MYO3B: variants seen among roughly 807,000 people sequenced by gnomAD.
MYO3B encodes the protein myosin IIIB, also known as myosin-IIIb.
A neutral mutation model predicts 174.6 loss-of-function variants in MYO3B; 156 were observed. That is an observed-to-expected ratio of 0.89 (90% CI 0.78 to 1.02). The LOEUF is 1.02. MYO3B is among the 50% of genes least tolerant of loss of function. The pLI, the probability that MYO3B is intolerant of heterozygous loss-of-function variation, is 0.00. For synonymous variants in MYO3B, 563 were observed against 569.1 expected, an observed-to-expected ratio of 0.99 and a Z score of 0.15; for missense variants, 1,632 against 1,639.4, an observed-to-expected ratio of 1.00 and a Z score of 0.08.
intron 23 of MYO3B, among the ~76,000 whole-genome samples, chr2:170,458,856 C>T (rs563157466): frequency 1.3e-5 from 2 of 152,168 alleles, no homozygotes; most frequent in Non-Finnish European, 1.5e-5. Flanking sequence ...CAACCGAAGA[C>T]CTTTTTAAAT....
intron 32 of MYO3B, among the ~76,000 whole-genome samples, chr2:170,625,635 A>G (rs1696346549): frequency 6.6e-6 from 1 of 152,056 alleles, no homozygotes; most frequent in South Asian, 2.1e-4. Context: ...AGTTCTTTTA[A>G]TTGTGATGTT....
chr2:170,209,576 C>G (rs1489314211), intron 3 of MYO3B, among the ~76,000 whole-genome samples: 3 of 152,126 alleles, frequency 2.0e-5, no homozygotes, highest in Admixed American at 6.5e-5. Flanking sequence ...TGTCAGAGTC[C>G]TGTGGCACCT....
At chr2:170,377,456 A>G (rs10171221) in intron 9 of MYO3B, among the ~76,000 whole-genome samples, 48,400 of 151,816 alleles carry the variant, frequency 0.32, 8,949 homozygotes, top group African/African-American at 0.52. Context: ...TTCAGATTCT[A>G]TTCTTACGCT....
At chr2:170,182,159 T>C (rs897761419) in intron 1 of MYO3B, among the ~76,000 whole-genome samples, 12 of 152,164 alleles carry the variant, frequency 7.9e-5, no homozygotes, top group African/African-American at 2.4e-4. Flanking sequence ...TATGCAATTA[T>C]GTTTATCAAT....
At chr2:170,356,603 C>A (rs1012544608) in intron 8 of MYO3B, among the ~76,000 whole-genome samples, 2 of 151,698 alleles carry the variant, frequency 1.3e-5, no homozygotes, top group Non-Finnish European at 2.9e-5. Context: ...CTCAGGTGAT[C>A]CACCCACCTC....
intron 8 of MYO3B, among the ~76,000 whole-genome samples, chr2:170,351,925 C>T (rs928039167): frequency 5.9e-5 from 9 of 152,138 alleles, no homozygotes; most frequent in African/African-American, 2.2e-4. Context: ...GTGATTTAGG[C>T]ATGCACAAGT....
intron 32 of MYO3B, among the ~76,000 whole-genome samples, chr2:170,560,211 C>T (rs1467675108): frequency 6.6e-6 from 1 of 152,184 alleles, no homozygotes; most frequent in Non-Finnish European, 1.5e-5. Flanking sequence ...ACTTGTTTTC[C>T]CTCGATACTA....
chr2:170,384,836 A>AC (rs1395832406), intron 12 of MYO3B, among the ~76,000 whole-genome samples: 5 of 152,176 alleles, frequency 3.3e-5, no homozygotes, highest in Admixed American at 2.0e-4. Context: ...CAATTCTGAC[A>AC]CTACCTGGAG....
rs111874223 is a variant in MYO3B at position 170,437,215 on chromosome 2, C to G, written c.2651-6752C>G. ...CTGCTGTCTCCCACTCCCTACCCCA[C>G]TGATTCACTGGGGGTGGCCAGGTTT... On this transcript the variant is annotated intron_variant, in intron 22 of 34. Coordinates refer to ENST00000408978, the MANE Select transcript of MYO3B (RefSeq NM_138995.5). Among the ~76,000 whole-genome samples the G allele has an allele frequency of 3.3e-3, 504 of 152,174 alleles. 1 individual carries two copies. Among genetic ancestry groups the G allele is most frequent in the African/African-American group, 0.011 (472 of 41,446 alleles).
intron 7 of MYO3B, among the ~76,000 whole-genome samples, chr2:170,298,678 C>CAA (rs71399527): frequency 2.4e-3 from 154 of 63,210 alleles, no homozygotes; most frequent in Admixed American, 3.6e-3. Flanking sequence ...GACTCTGTCT[C>CAA]AAAAAAAAAA....
chr2:170,318,978 A>G (rs2093795859), intron 7 of MYO3B, among the ~76,000 whole-genome samples: 1 of 152,218 alleles, frequency 6.6e-6, no homozygotes, highest in Non-Finnish European at 1.5e-5. Context: ...AAGGCTGAAG[A>G]GGTCACATAT....
chr2:170,346,199 C>T (rs2094014445), intron 8 of MYO3B: 1 of 152,310 alleles, frequency 6.6e-6, no homozygotes, highest in African/African-American at 2.4e-5. Flanking sequence ...GTAGAGCAAG[C>T]TTGTCCAATC....
intron 7 of MYO3B, among the ~76,000 whole-genome samples, chr2:170,293,314 G>A (rs1211597806): frequency 6.6e-5 from 10 of 151,920 alleles, no homozygotes; most frequent in Admixed American, 6.6e-4. Context: ...ATTTATTTTT[G>A]GATACTTACT....
intron 22 of MYO3B, among the ~76,000 whole-genome samples, chr2:170,429,138 T>A (rs763581993): frequency 1.3e-5 from 2 of 152,190 alleles, no homozygotes; most frequent in South Asian, 2.1e-4. Context: ...ATAAGGTATG[T>A]TGTGCAAATC....
At chr2:170,263,811 C>T (rs2093362605) in intron 7 of MYO3B, among the ~76,000 whole-genome samples, 2 of 151,362 alleles carry the variant, frequency 1.3e-5, no homozygotes, top group African/African-American at 4.8e-5. Context: ...ATCTCAACTG[C>T]AAAGAGGCCT....
At chr2:170,215,233 G>A (rs891280106) in intron 5 of MYO3B, among the ~76,000 whole-genome samples, 4 of 152,126 alleles carry the variant, frequency 2.6e-5, no homozygotes. Context: ...CTTATTCCCA[G>A]GGAGCAGAAG....
At chr2:170,626,123 C>G (rs923209249) in intron 32 of MYO3B, among the ~76,000 whole-genome samples, 3 of 152,104 alleles carry the variant, frequency 2.0e-5, no homozygotes, top group Admixed American at 2.0e-4. Flanking sequence ...AACTTTCTGT[C>G]TCGTTGATCT....
chr2:170,583,674 A>G (rs1693305857), intron 32 of MYO3B, among the ~76,000 whole-genome samples: 1 of 152,224 alleles, frequency 6.6e-6, no homozygotes, highest in South Asian at 2.1e-4. Flanking sequence ...TTTTTCACAC[A>G]ATATTGTATT....
chr2:170,300,218 G>C (rs1219014988), intron 7 of MYO3B, among the ~76,000 whole-genome samples: 2 of 152,268 alleles, frequency 1.3e-5, no homozygotes, highest in South Asian at 4.1e-4. Flanking sequence ...AAAGAAATGT[G>C]AGTGGAAATA....
Sources: gnomAD v4.1 joint callset for allele counts (sites outside exome capture counted in the v4.1 genomes callset) on GRCh38, gnomAD v4.1.1 for gene constraint, MANE v1.5 for transcripts, NCBI Gene and HGNC (gene_info 2026-07-23, HGNC 2026-07-21) for gene names.